Variants in PRKN observed in about 807,000 individuals in gnomAD.
PRKN encodes the protein E3 ubiquitin-protein ligase parkin.
PRKN carries 56 observed loss-of-function variants against 59.5 expected under a neutral mutation model. The ratio of observed to expected loss-of-function variants is 0.94; its 90% CI spans 0.76 to 1.18. The LOEUF is 1.18. PRKN is among the 50% of genes most tolerant of loss of function. The probability of loss-of-function intolerance (pLI) is 0.00; values close to 1 mark genes in which losing one functional copy is unlikely to be tolerated. For missense variants in PRKN, 657 were observed against 596.4 expected, an observed-to-expected ratio of 1.10 and a Z score of -1.06; for synonymous variants, 250 against 222.1, an observed-to-expected ratio of 1.13 and a Z score of -1.12.
intron 6 of PRKN, among the ~76,000 whole-genome samples, chr6:161,805,451 T>TGC (rs1562697453): frequency 9.1e-5 from 2 of 21,916 alleles, no homozygotes; most frequent in Non-Finnish European, 1.6e-4. Flanking sequence ...AGTACACACA[T>TGC]GCACACACAC....
At chr6:161,382,036 C>G (rs147424159) in intron 10 of PRKN, among the ~76,000 whole-genome samples, 1 of 143,888 alleles carries the variant, frequency 6.9e-6, no homozygotes, top group Admixed American at 7.3e-5. Flanking sequence ...GGCGTGAACC[C>G]GGGAGGCAGA....
chr6:161,383,554 C>T (rs1269609349), intron 10 of PRKN, among the ~76,000 whole-genome samples: 1 of 152,184 alleles, frequency 6.6e-6, no homozygotes, highest in Non-Finnish European at 1.5e-5. Flanking sequence ...TGCTCACTCC[C>T]TTCCTGTGTG....
intron 7 of PRKN, among the ~76,000 whole-genome samples, chr6:161,676,151 C>G (rs374145211): frequency 8.5e-5 from 13 of 152,222 alleles, no homozygotes; most frequent in African/African-American, 2.7e-4. Context: ...TCTGGTGCCA[C>G]TAGAAACTGT....
chr6:161,463,603 C>T lies in PRKN; in HGVS notation c.1084-76726G>A, dbSNP rs190014983. Among the ~76,000 whole-genome samples, 42 of 152,294 alleles carry T rather than the reference C, an allele frequency of 2.8e-4. No individual in the cohort carries two copies. Among genetic ancestry groups the T allele is most frequent in the Non-Finnish European group, 5.0e-4 (34 of 68,028 alleles). On this transcript the variant is annotated intron_variant, in intron 9 of 11. Transcript: ENST00000366898. The surrounding 1 kb of genome is among the most constrained non-coding windows in gnomAD (Gnocchi z 4.8). Reference sequence around the variant, plus strand: ...ATCCAGATATGGAGTATTCCCATTTCTTGGTTCCCATGGACTGAAACTTTA... The same window carrying T: ...ATCCAGATATGGAGTATTCCCATTTTTTGGTTCCCATGGACTGAAACTTTA...
intron 6 of PRKN, among the ~76,000 whole-genome samples, chr6:161,832,404 T>C (rs1468453943): frequency 2.0e-5 from 3 of 151,904 alleles, no homozygotes; most frequent in Non-Finnish European, 4.4e-5. Flanking sequence ...GGTGGGCAGA[T>C]TCTGAGGTCA....
At position 161,369,956 on chromosome 6, in the gene PRKN, G is replaced by C. The variant is rs963438889; in HGVS notation, c.1168-9751C>G. 4.6e-6 allele frequency: 2 copies of C among 433,070 alleles called. No individual in the cohort carries two copies. The highest frequency in any genetic ancestry group is 2.4e-5 in the Admixed American group (1 of 42,302). 26.8% of individuals were successfully genotyped at this position (433,070 alleles called of 1,614,324 possible). On this transcript the variant is annotated intron_variant, in intron 10 of 11. Coordinates refer to ENST00000366898, the MANE Select transcript of PRKN (RefSeq NM_004562.3). The surrounding 1 kb of genome is among the most constrained non-coding windows in gnomAD (Gnocchi z 5.8). ...TCGTGAGTAAGATCAACACACAAAC[G>C]GCTTAGCACAGAGCCAGGTGCACCC...
intron 7 of PRKN, among the ~76,000 whole-genome samples, chr6:161,601,684 G>A (rs1257234662): frequency 2.6e-5 from 4 of 150,998 alleles, no homozygotes; most frequent in East Asian, 2.0e-4. Context: ...CCAGGTTCAC[G>A]CCATTCTCCT....
chr6:162,444,589 T>C (rs914928357), intron 1 of PRKN, among the ~76,000 whole-genome samples: 4 of 152,252 alleles, frequency 2.6e-5, no homozygotes, highest in East Asian at 3.9e-4. Context: ...CCTACCTCCA[T>C]GGCCCACTTC....
intron 1 of PRKN, among the ~76,000 whole-genome samples, chr6:162,708,335 G>A (rs568442511): frequency 1.1e-4 from 17 of 152,230 alleles, no homozygotes; most frequent in African/African-American, 2.9e-4. Flanking sequence ...GTGAATAAAC[G>A]GAGATGAGTA....
rs144233815 is a variant in PRKN, at chr6:162,492,456, G to A, written c.8-48983C>T. Among the ~76,000 whole-genome samples the A allele has an allele frequency of 1.9e-3, 282 of 152,226 alleles. 1 individual carries two copies. The highest frequency in any genetic ancestry group is 6.5e-3 in the African/African-American group (271 of 41,552). ...CATCCCTGGGCTGAGGCTCTTTATCGAGGAAAGAAAGAAATGTCCTGTCTG... is the reference window on the plus strand; with the variant it reads ...CATCCCTGGGCTGAGGCTCTTTATCAAGGAAAGAAAGAAATGTCCTGTCTG... On this transcript the variant is annotated intron_variant, in intron 1 of 11. Transcript: ENST00000366898.
intron 7 of PRKN, among the ~76,000 whole-genome samples, chr6:161,732,481 T>TGTGTGTG (rs1554298354): frequency 0.015 from 1,968 of 130,274 alleles, 56 homozygotes; most frequent in African/African-American, 0.087. Flanking sequence ...GAGGTTTTTT[T>TGTGTGTG]TTTTTGTGTG....
At position 162,151,965 on chromosome 6, in the gene PRKN, C is replaced by G. The variant is rs114723236; in HGVS notation, c.534+49166G>C. Among the ~76,000 whole-genome samples the G allele has an allele frequency of 9.0e-3, 1,372 of 152,106 alleles. 25 individuals carry two copies. The highest frequency in any genetic ancestry group is 0.031 in the African/African-American group (1,294 of 41,494). Reference sequence around the variant, plus strand: ...AAAAACATTATTTAGCAAAAAAAATCAAATAATTATAATGCTTTATGTACC... The same window carrying G: ...AAAAACATTATTTAGCAAAAAAAATGAAATAATTATAATGCTTTATGTACC... On this transcript the variant is annotated intron_variant, in intron 4 of 11. Transcript: ENST00000366898.
chr6:162,106,039 A>T (rs956626322), intron 4 of PRKN, among the ~76,000 whole-genome samples: 3 of 152,210 alleles, frequency 2.0e-5, no homozygotes, highest in African/African-American at 7.2e-5. Flanking sequence ...TTAGGAGGAG[A>T]CAAAAAAGTG....
chr6:161,647,596 T>G lies in PRKN; in HGVS notation c.872-78180A>C, dbSNP rs947976065. Among the ~76,000 whole-genome samples, 3 of 14,802 alleles carry G rather than the reference T, an allele frequency of 2.0e-4. No individual in the cohort carries two copies. The African/African-American group carries it at 0.012, about 57-fold the overall frequency. The allele number at this position is 14,802 out of a possible 152,430, so 9.7% of individuals were successfully genotyped here. ...TCAGAGAGTATATTCCTTGTCAACA[T>G]TTTTTTTTTTCAATAGAAATAGTAA... On this transcript the variant is annotated intron_variant, in intron 7 of 11. Coordinates refer to ENST00000366898, the MANE Select transcript of PRKN (RefSeq NM_004562.3).
intron 2 of PRKN, among the ~76,000 whole-genome samples, chr6:162,407,194 C>T (rs1788114604): frequency 6.6e-6 from 1 of 152,134 alleles, no homozygotes; most frequent in East Asian, 1.9e-4. Flanking sequence ...TACAAAGGTG[C>T]TAGATGTTGA....
intron 3 of PRKN, among the ~76,000 whole-genome samples, chr6:162,209,970 G>A (rs922399329): frequency 1.3e-5 from 2 of 151,912 alleles, no homozygotes; most frequent in Admixed American, 6.6e-5. Context: ...GATGGGGAGA[G>A]GGGGGAGGGA....
chr6:162,652,117 CAATGTA>C (rs944428659), intron 1 of PRKN, among the ~76,000 whole-genome samples: 36 of 152,194 alleles, frequency 2.4e-4, no homozygotes, highest in African/African-American at 8.0e-4. Context: ...TAGCACCCCT[CAATGTA>C]ACAGCCCCAA....
At chr6:162,613,548 G>A (rs1433946364) in intron 1 of PRKN, among the ~76,000 whole-genome samples, 1 of 152,190 alleles carries the variant, frequency 6.6e-6, no homozygotes, top group African/African-American at 2.4e-5. Context: ...AACCAAGACA[G>A]CTGAACTCTC....
rs1185532730 is a variant in PRKN at position 161,457,416 on chromosome 6, A to T, written c.1084-70539T>A. Among the ~76,000 whole-genome samples, 2 of 152,254 alleles carry T rather than the reference A, an allele frequency of 1.3e-5. No individual in the cohort carries two copies. The highest frequency in any genetic ancestry group is 6.5e-5 in the Admixed American group (1 of 15,284). On this transcript the variant is annotated intron_variant, in intron 9 of 11. Transcript: ENST00000366898. This position sits in a 1 kb window ranked among gnomAD's most constrained non-coding sequence, Gnocchi z 5.0. ...CATCAAATAAAAAAGCTACTACTTT[A>T]ATAGAAATTACCTCTTCTAATTGCC...
Sources: gnomAD v4.1 joint callset for allele counts (sites outside exome capture counted in the v4.1 genomes callset) on GRCh38, gnomAD v4.1.1 for gene constraint, Gnocchi (gnomAD v3.1) non-coding constraint, MANE v1.5 for transcripts, NCBI Gene and HGNC (gene_info 2026-07-23, HGNC 2026-07-21) for gene names.